The following ZFYVE9 variants were observed in gnomAD, a reference collection of about 807,000 sequenced individuals.
ZFYVE9 encodes zinc finger FYVE-type containing 9.
In ZFYVE9, 43 loss-of-function variants were observed where a neutral mutation model predicts 126.7. The observed-to-expected ratio is 0.34, with a 90% confidence interval of 0.27 to 0.44. ZFYVE9 has a LOEUF of 0.44. Among genes scored for constraint, ZFYVE9 ranks in the 20% least tolerant of loss-of-function variants. The pLI is 1.00. For synonymous variants in ZFYVE9, 521 were observed against 597.4 expected (o/e 0.87, Z 1.87); for missense variants, 1,476 against 1,697.0 (o/e 0.87, Z 2.29).
At chr1:52,182,447 T>C (rs1644719355) in intron 1 of ZFYVE9, among the ~76,000 whole-genome samples, 1 of 152,144 alleles carries the variant, frequency 6.6e-6, no homozygotes, top group Non-Finnish European at 1.5e-5. Context: ...TCTATGACCT[T>C]ACCCCGAACC....
chr1:52,266,649 CT>C lies in ZFYVE9; in HGVS notation c.2279-3del. 2 of 1,582,246 alleles carry C rather than the reference CT, an allele frequency of 1.3e-6. No homozygotes were observed. The highest frequency in any genetic ancestry group is 1.7e-6 in the Non-Finnish European group (2 of 1,165,770). ...TTCACATTGATTGTGTCTGTATTTG[CT>C]TTAGCTCAAGCCTGGGAGAACATGA... is the stretch of plus-strand genomic sequence containing the variant. On this transcript the variant is annotated splice_polypyrimidine_tract_variant and splice_region_variant and intron_variant, in intron 5 of 18. Transcript: ENST00000287727.
intron 1 of ZFYVE9, among the ~76,000 whole-genome samples, chr1:52,183,503 G>A (rs1376280865): frequency 6.6e-6 from 1 of 152,148 alleles, no homozygotes; most frequent in East Asian, 1.9e-4. Context: ...AATTATTTAT[G>A]TATTTATTTG....
chr1:52,299,246 C>T (rs1400828989), intron 12 of ZFYVE9, among the ~76,000 whole-genome samples: 1 of 152,062 alleles, frequency 6.6e-6, no homozygotes, highest in Non-Finnish European at 1.5e-5. Flanking sequence ...AGAAACACTA[C>T]TGATTTTACA....
At chr1:52,212,284 A>G (rs1445073328) in intron 1 of ZFYVE9, among the ~76,000 whole-genome samples, 1 of 152,124 alleles carries the variant, frequency 6.6e-6, no homozygotes, top group East Asian at 1.9e-4. Flanking sequence ...AGCTGGGACT[A>G]CAGGCACATG....
chr1:52,249,368 T>G (rs2124644089), intron 4 of ZFYVE9, among the ~76,000 whole-genome samples: 1 of 152,308 alleles, frequency 6.6e-6, no homozygotes, highest in African/African-American at 2.4e-5. Context: ...TCATTGTGGT[T>G]TTGGTTTGTA....
chr1:52,221,832 C>A (rs929787854), intron 2 of ZFYVE9, among the ~76,000 whole-genome samples: 3 of 152,178 alleles, frequency 2.0e-5, no homozygotes, highest in African/African-American at 7.2e-5. Flanking sequence ...CCTGTTGGAT[C>A]TCTGATGGGG....
intron 1 of ZFYVE9, among the ~76,000 whole-genome samples, chr1:52,157,803 T>C (rs1644417601): frequency 6.6e-6 from 1 of 152,122 alleles, no homozygotes; most frequent in African/African-American, 2.4e-5. Context: ...TTCACTAGCT[T>C]CTGGTGTTTA....
intron 1 of ZFYVE9, among the ~76,000 whole-genome samples, chr1:52,199,578 A>C (rs184668681): frequency 6.6e-6 from 1 of 152,228 alleles, no homozygotes; most frequent in Admixed American, 6.5e-5. Context: ...CCTACCATTC[A>C]CCTACTGAAG....
At chr1:52,345,056 G>A in intron 18 of ZFYVE9, 112 bp downstream of exon 18, 1 of 1,187,680 alleles carries the variant, frequency 8.4e-7, no homozygotes, top group African/African-American at 1.5e-5. Flanking sequence ...CTTCTGGCCT[G>A]ACTGGATATA....
At chr1:52,148,647 C>CT (rs368564664) in intron 1 of ZFYVE9, among the ~76,000 whole-genome samples, 1,528 of 144,160 alleles carry the variant, frequency 0.011, 10 homozygotes, top group Non-Finnish European at 0.014. Flanking sequence ...ATATTTCTTT[C>CT]TTTTTTTTTT....
intron 13 of ZFYVE9, among the ~76,000 whole-genome samples, chr1:52,325,335 TTAAA>T (rs540843540): frequency 5.7e-4 from 87 of 151,608 alleles, no homozygotes; most frequent in African/African-American, 1.9e-3. Flanking sequence ...CTCTAAAAAA[TTAAA>T]TAAATAAATA....
At chr1:52,236,777 G>A (rs898751132) in intron 3 of ZFYVE9, among the ~76,000 whole-genome samples, 10 of 152,022 alleles carry the variant, frequency 6.6e-5, no homozygotes, top group African/African-American at 2.2e-4. Context: ...AGAATTTCAC[G>A]TACTGTGGCA....
At chr1:52,216,003 G>A (rs185526192) in intron 1 of ZFYVE9, among the ~76,000 whole-genome samples, 36 of 152,284 alleles carry the variant, frequency 2.4e-4, no homozygotes, top group African/African-American at 8.7e-4. Flanking sequence ...TTGTGAAGCA[G>A]CAGTTTTCTT....
chr1:52,250,821 C>T (rs889103926), intron 4 of ZFYVE9, among the ~76,000 whole-genome samples: 1 of 151,570 alleles, frequency 6.6e-6, no homozygotes, highest in African/African-American at 2.4e-5. Context: ...GGTATCCTCC[C>T]ACCTCAGCCT....
intron 1 of ZFYVE9, among the ~76,000 whole-genome samples, chr1:52,208,900 T>C (rs540373850): frequency 6.6e-6 from 1 of 152,358 alleles, no homozygotes; most frequent in Non-Finnish European, 1.5e-5. Context: ...GAAGTTTTAG[T>C]GGTCCCAGTA....
intron 1 of ZFYVE9, among the ~76,000 whole-genome samples, chr1:52,191,056 A>G (rs527846187): frequency 6.6e-6 from 1 of 152,072 alleles, no homozygotes; most frequent in East Asian, 1.9e-4. Context: ...TTAGCCCCCT[A>G]ACGCCTCCAG....
chr1:52,259,513 T>G (rs1324332594), intron 4 of ZFYVE9, among the ~76,000 whole-genome samples: 2 of 151,762 alleles, frequency 1.3e-5, no homozygotes, highest in Non-Finnish European at 2.9e-5. Flanking sequence ...GATAGCCAGC[T>G]GTGGTGGCTC....
chr1:52,233,224 A>G lies in ZFYVE9; in HGVS notation c.18A>G (p.Gln6=). 6.3e-7 allele frequency: 1 copy of G among 1,583,122 alleles called. No individual in the cohort carries two copies. Among genetic ancestry groups the G allele is most frequent in the Non-Finnish European group, 8.6e-7 (1 of 1,162,054 alleles). The part of the protein sequence containing the change: MENYF[Q]AEAYNLDKVL... ...CCTCACCGATGGAGAATTACTTCCA[A>G]GCAGAAGCTTACAACCTGGACAAGG... Residue 6 remains glutamine, a synonymous_variant, in exon 3 of 19, where the codon CAA becomes CAG. Transcript: ENST00000287727.
chr1:52,184,667 T>A (rs1340949130), intron 1 of ZFYVE9, among the ~76,000 whole-genome samples: 2 of 152,092 alleles, frequency 1.3e-5, no homozygotes, highest in Non-Finnish European at 2.9e-5. Context: ...CAAATTCCTC[T>A]TTGACTATCC....
Sources: gnomAD v4.1 joint callset for allele counts (sites outside exome capture counted in the v4.1 genomes callset) on GRCh38, gnomAD v4.1.1 for gene constraint, MANE v1.5 for transcripts, NCBI Gene and HGNC (gene_info 2026-07-23, HGNC 2026-07-21) for gene names.